Variants in LRP1B observed in about 807,000 individuals in gnomAD.
The protein encoded by LRP1B is LDL receptor related protein 1B.
Under a neutral mutation model 556.6 loss-of-function variants are expected in LRP1B, and 217 were observed. The ratio of observed to expected loss-of-function variants is 0.39; its 90% CI spans 0.35 to 0.44. LRP1B has a LOEUF of 0.44. LRP1B is among the 20% of genes least tolerant of loss of function. The probability of loss-of-function intolerance (pLI) is 1.00; values close to 1 mark genes in which losing one functional copy is unlikely to be tolerated. For missense variants in LRP1B, 5,053 were observed against 5,620.8 expected, an observed-to-expected ratio of 0.90 and a Z score of 3.23; for synonymous variants, 2,047 against 1,865.8, an observed-to-expected ratio of 1.10 and a Z score of -2.50.
intron 7 of LRP1B, among the ~76,000 whole-genome samples, chr2:141,107,980 T>C (rs542408488): frequency 6.6e-6 from 1 of 152,316 alleles, no homozygotes; most frequent in Non-Finnish European, 1.5e-5. Context: ...ACTCATTATA[T>C]CAGCTTGAAA....
chr2:141,057,650 C>G (rs1015556705), intron 9 of LRP1B, among the ~76,000 whole-genome samples: 1 of 151,816 alleles, frequency 6.6e-6, no homozygotes, highest in Non-Finnish European at 1.5e-5. Flanking sequence ...CTGTGGCTAT[C>G]CACATAAGAT....
intron 18 of LRP1B, among the ~76,000 whole-genome samples, chr2:140,969,287 G>T (rs151136599): frequency 0.069 from 10,415 of 151,946 alleles, 420 homozygotes; most frequent in Non-Finnish European, 0.087. Flanking sequence ...TTATGTAATG[G>T]CCTTCGTCTC....
chr2:140,706,708 A>C (rs1260475642), intron 37 of LRP1B, among the ~76,000 whole-genome samples: 1 of 152,154 alleles, frequency 6.6e-6, no homozygotes, highest in Non-Finnish European at 1.5e-5. Context: ...GTAGCACTGG[A>C]GCGCCCAAAG....
intron 3 of LRP1B, among the ~76,000 whole-genome samples, chr2:141,324,874 A>G (rs1029489978): frequency 2.0e-5 from 3 of 152,136 alleles, no homozygotes; most frequent in Admixed American, 6.6e-5. Context: ...TGGAAAATAC[A>G]AAATAGCACA....
chr2:141,035,137 T>C (rs949939078), intron 11 of LRP1B, among the ~76,000 whole-genome samples: 14 of 149,524 alleles, frequency 9.4e-5, no homozygotes, highest in Non-Finnish European at 1.9e-4. Flanking sequence ...TTCTCACTCA[T>C]AGATGGGAAT....
chr2:141,942,706 A>G (rs549644758), intron 1 of LRP1B, among the ~76,000 whole-genome samples: 4 of 152,324 alleles, frequency 2.6e-5, no homozygotes, highest in African/African-American at 7.2e-5. Flanking sequence ...AGCAGTTTCC[A>G]AAACAGTGTC....
At chr2:141,238,783 G>C (rs573222674) in intron 5 of LRP1B, among the ~76,000 whole-genome samples, 1 of 152,078 alleles carries the variant, frequency 6.6e-6, no homozygotes, top group Non-Finnish European at 1.5e-5. Context: ...AGTGAAGGAT[G>C]AATCCAATGT....
At chr2:140,718,677 C>G (rs1385012904) in intron 35 of LRP1B, among the ~76,000 whole-genome samples, 1 of 152,024 alleles carries the variant, frequency 6.6e-6, no homozygotes, top group Non-Finnish European at 1.5e-5. Context: ...TCTCTAGTCA[C>G]TTCCCATCTC....
chr2:140,423,866 A>T (rs1019655693), intron 66 of LRP1B, among the ~76,000 whole-genome samples: 2 of 152,186 alleles, frequency 1.3e-5, no homozygotes, highest in Non-Finnish European at 2.9e-5. Context: ...ATAAAATATT[A>T]TGCCCTGAAA....
chr2:141,250,504 C>T (rs1025162466), intron 4 of LRP1B, among the ~76,000 whole-genome samples: 3 of 152,290 alleles, frequency 2.0e-5, no homozygotes, highest in South Asian at 2.1e-4. Flanking sequence ...CCCACCTTCC[C>T]GTTCCTTGCC....
chr2:141,323,679 T>G (rs1005649648), intron 3 of LRP1B, among the ~76,000 whole-genome samples: 1 of 152,004 alleles, frequency 6.6e-6, no homozygotes, highest in Non-Finnish European at 1.5e-5. Context: ...CTAATAAACA[T>G]CAAGACTCAC....
chr2:140,695,968 T>C (rs1173989495), intron 41 of LRP1B, among the ~76,000 whole-genome samples: 1 of 152,204 alleles, frequency 6.6e-6, no homozygotes, highest in Non-Finnish European at 1.5e-5. Flanking sequence ...CCATTTCTTA[T>C]ATTCAGCTAT....
In LRP1B at chr2:140,526,314, T is replaced by C. The variant is rs748597042; in HGVS notation, c.7799A>G (p.Asp2600Gly). 1.9e-6 allele frequency: 3 copies of C among 1,611,986 alleles called. No individual in the cohort carries two copies. Among genetic ancestry groups the C allele is most frequent in the East Asian group, 2.2e-5 (1 of 44,822 alleles). Residue 2600 changes from aspartate to glycine, a missense_variant, in exon 48 of 91, where the codon GAT becomes GGT. Physicochemically the swap from Asp to Gly is moderately conservative, Grantham distance 94. Transcript: ENST00000389484. ...TCATVEFRCA[D>G]GTCIPRSARC... ...TGCTGATCTTGGAATACAAGTCCCA[T>C]CTGCACAGCGGAACTCAACCGTGGC...
chr2:140,673,502 C>G (rs1050390730), intron 41 of LRP1B, among the ~76,000 whole-genome samples: 4 of 152,102 alleles, frequency 2.6e-5, no homozygotes, highest in Admixed American at 6.5e-5. Context: ...CCACCATGCT[C>G]TTTACTTCTG....
intron 84 of LRP1B, among the ~76,000 whole-genome samples, chr2:140,278,997 C>G (rs1682805988): frequency 6.6e-6 from 1 of 151,948 alleles, no homozygotes; most frequent in Non-Finnish European, 1.5e-5. Flanking sequence ...TTTGACTGGA[C>G]TGTGTTCTGC....
At chr2:141,044,797 T>C (rs1367281920) in intron 11 of LRP1B, among the ~76,000 whole-genome samples, 1 of 148,498 alleles carries the variant, frequency 6.7e-6, no homozygotes, top group Non-Finnish European at 1.5e-5. Flanking sequence ...TGTGGAGAAA[T>C]AGGAACACTT....
At chr2:140,957,608 A>C (rs1319540637) in intron 18 of LRP1B, among the ~76,000 whole-genome samples, 1 of 151,680 alleles carries the variant, frequency 6.6e-6, no homozygotes, top group African/African-American at 2.4e-5. Flanking sequence ...TATACAAAGA[A>C]TATAAATTTT....
At chr2:140,923,953 A>C (rs967233277) in intron 20 of LRP1B, among the ~76,000 whole-genome samples, 1 of 152,070 alleles carries the variant, frequency 6.6e-6, no homozygotes, top group African/African-American at 2.4e-5. Context: ...GCTTATTAAA[A>C]TTTGTTTTAA....
intron 84 of LRP1B, among the ~76,000 whole-genome samples, chr2:140,294,357 ATTTATT>A (rs1178853417): frequency 6.6e-6 from 1 of 152,188 alleles, no homozygotes; most frequent in African/African-American, 2.4e-5. Flanking sequence ...TATTCAAATC[ATTTATT>A]TTTATTTATG....
Sources: allele counts gnomAD v4.1 joint callset (sites outside exome capture counted in the v4.1 genomes callset), GRCh38; gene constraint gnomAD v4.1.1; transcripts MANE v1.5; gene names NCBI Gene and HGNC (gene_info 2026-07-23, HGNC 2026-07-21).